ZNF331: variants seen among roughly 807,000 people sequenced by gnomAD.
ZNF331 encodes C2H2-like zinc finger protein rearranged in thyroid adenomas.
Under a neutral mutation model 7.0 loss-of-function variants are expected in ZNF331, and 2 were observed. The observed-to-expected ratio is 0.29, with a 90% CI of 0.12 to 0.90. The LOEUF (loss-of-function observed/expected upper bound fraction) is 0.90. Among genes scored for constraint, ZNF331 ranks in the 40% least tolerant of loss-of-function variants. The pLI is 0.58. For missense variants in ZNF331, 432 were observed against 587.7 expected (o/e 0.74, Z 2.74); for synonymous variants, 196 against 205.4 (o/e 0.95, Z 0.39).
At chr19:53,519,835 G>C (rs2086999753), upstream of ZNF331, among the ~76,000 whole-genome samples, 1 of 152,100 alleles carries the variant, frequency 6.6e-6, no homozygotes, top group Non-Finnish European at 1.5e-5. Flanking sequence ...CCAATCTACT[G>C]GGGGGTGGGG....
intron 3 of ZNF331, among the ~76,000 whole-genome samples, chr19:53,568,086 TA>T (rs1485361071): frequency 4.6e-5 from 7 of 151,778 alleles, no homozygotes; most frequent in Non-Finnish European, 1.0e-4. Flanking sequence ...CCATCTCTAC[TA>T]AAAATACAAA....
rs201467051 is a variant in ZNF331 at position 53,541,114 on chromosome 19, T to TC, written c.-138+1832_-138+1833insC. Reference sequence around the variant, plus strand: ...AACAATAATCATATTTCTTTTCTTTTTTTTTTTTTTGAGACAGAGTTTCGC... The same window carrying TC: ...AACAATAATCATATTTCTTTTCTTTTCTTTTTTTTTTGAGACAGAGTTTCGC... On this transcript the variant is annotated intron_variant, in intron 2 of 5. Coordinates refer to ENST00000449416, the MANE Select transcript of ZNF331 (RefSeq NM_001079906.2). Among the ~76,000 whole-genome samples the TC allele has an allele frequency of 4.2e-3, 522 of 125,410 alleles. 4 individuals are homozygous for TC. The highest frequency in any genetic ancestry group is 0.018 in the African/African-American group (501 of 28,238). The allele number at this position is 125,410 out of a possible 152,430, so 82.3% of individuals were successfully genotyped here.
Position 53,578,020 on chromosome 19 carries a change from T to G in ZNF331, c.*68T>G, listed in dbSNP as rs1462178735. The G allele has an allele frequency of 1.5e-5, 22 of 1,481,330 alleles. No homozygotes were observed. The highest frequency in any genetic ancestry group is 1.9e-5 in the Non-Finnish European group (21 of 1,107,544). 91.8% of individuals were successfully genotyped at this position (1,481,330 alleles called of 1,614,324 possible). ...GCTTTCCACAGTTTGTTACCTGCAG[T>G]CAACTGCAGTTCAAAAATATTAAAT... On this transcript the variant is annotated 3_prime_UTR_variant, in exon 6 of 6. Coordinates refer to ENST00000449416, the MANE Select transcript of ZNF331 (RefSeq NM_001079906.2).
the ZNF331 span, among the ~76,000 whole-genome samples, chr19:53,509,020 C>G: frequency 6.6e-6 from 1 of 152,176 alleles, no homozygotes; most frequent in African/African-American, 2.4e-5. Flanking sequence ...CCCTCATAAT[C>G]ACCTCCGTGA....
chr19:53,576,601 AATTTTTATTTCT>A, intron 5 of ZNF331, 84 bp from the exon 6 acceptor site: 1 of 1,071,988 alleles, frequency 9.3e-7, no homozygotes, highest in Non-Finnish European at 1.4e-6. Context: ...TCTACTGGAT[AATTTTTATTTCT>A]ATTAGACGAG....
At chr19:53,563,334 C>T (rs1246918519) in intron 3 of ZNF331, among the ~76,000 whole-genome samples, 1 of 152,094 alleles carries the variant, frequency 6.6e-6, no homozygotes, top group African/African-American at 2.4e-5. Context: ...AATCCACCCA[C>T]CTCAGCCTCC....
At chr19:53,524,412 C>T (rs886136190) in intron 2 of ZNF331, among the ~76,000 whole-genome samples, 11 of 152,170 alleles carry the variant, frequency 7.2e-5, no homozygotes, top group South Asian at 2.1e-4. Context: ...TCTCCACATC[C>T]TCTCTAGCAT....
At chr19:53,574,437 C>A (rs1256108804) in intron 5 of ZNF331, among the ~76,000 whole-genome samples, 1 of 152,090 alleles carries the variant, frequency 6.6e-6, no homozygotes, top group African/African-American at 2.4e-5. Flanking sequence ...AAGATCTTAC[C>A]ACGAACTTGA....
rs543938337 is a variant in ZNF331, at chr19:53,553,991, A to G, written c.-137-1854A>G. Among the ~76,000 whole-genome samples, 278 of 152,282 alleles carry G rather than the reference A, an allele frequency of 1.8e-3. 1 individual carries two copies. Among genetic ancestry groups the G allele is most frequent in the African/African-American group, 6.4e-3 (266 of 41,572 alleles). ...CCCCTGCCTGGGACCGGCCCAGACT[A>G]CGTTTCCCAGAGGCCCCCCAGGAAC... On this transcript the variant is annotated intron_variant, in intron 2 of 5. Coordinates refer to ENST00000449416, the MANE Select transcript of ZNF331 (RefSeq NM_001079906.2).
chr19:53,520,702 C>T (rs965404557), upstream of ZNF331, among the ~76,000 whole-genome samples: 2 of 152,212 alleles, frequency 1.3e-5, no homozygotes, highest in African/African-American at 4.8e-5. Context: ...GGCATGGCTC[C>T]ATTAGGGCCG....
chr19:53,505,908 A>T, the ZNF331 span, among the ~76,000 whole-genome samples: 1 of 151,162 alleles, frequency 6.6e-6, no homozygotes, highest in Non-Finnish European at 1.5e-5. Flanking sequence ...TCACTTAAAC[A>T]TGGGAGGCGG....
upstream of ZNF331, among the ~76,000 whole-genome samples, chr19:53,518,464 T>C (rs1291516693): frequency 2.0e-5 from 3 of 152,170 alleles, no homozygotes; most frequent in Non-Finnish European, 4.4e-5. Context: ...TTCTCCCTAA[T>C]AAACTTCCTT....
At chr19:53,566,361 C>T (rs546543505) in intron 3 of ZNF331, among the ~76,000 whole-genome samples, 85 of 152,156 alleles carry the variant, frequency 5.6e-4, no homozygotes, top group African/African-American at 2.0e-3. Context: ...GGCATGATCT[C>T]GGCTCGCTGC....
intron 3 of ZNF331, among the ~76,000 whole-genome samples, chr19:53,566,390 G>A (rs532417387): frequency 3.3e-5 from 5 of 151,990 alleles, no homozygotes; most frequent in South Asian, 2.1e-4. Flanking sequence ...CCCCCTGGGT[G>A]CAAGTGATTC....
At position 53,577,853 on chromosome 19, in the gene ZNF331, A is replaced by G. The variant is rs1208768710; in HGVS notation, c.1293A>G (p.Lys431=). 6.2e-6 allele frequency: 10 copies of G among 1,612,580 alleles called. No homozygotes were observed. In the Admixed American group the frequency reaches 1.2e-4, roughly 19 times the overall value. ...SHGHQLTQHQ[K]THSGAKSYEC... ...GCCATCAGCTTACACAACATCAGAA[A>G]ACGCACAGTGGGGCGAAATCCTACG... Residue 431 remains lysine (K), a synonymous_variant, in exon 6 of 6, where the codon AAA becomes AAG. Coordinates refer to ENST00000449416, the MANE Select transcript of ZNF331 (RefSeq NM_001079906.2).
rs1488792863 is a variant in ZNF331, at chr19:53,556,088, C to CA, written c.-74+185dup. 3.3e-5 allele frequency among the ~76,000 whole-genome samples: 5 copies of CA among 151,452 alleles called. No individual in the cohort carries two copies. The South Asian group carries it at 1.0e-3, about 32-fold the overall frequency. ...TGAAACCCCGTCTCTACTAAAAATA[C>CA]AAAAATTAGCCGGGAGTGGTGGTGG... On this transcript the variant is annotated intron_variant, in intron 3 of 5. Coordinates refer to ENST00000449416, the MANE Select transcript of ZNF331 (RefSeq NM_001079906.2).
At chr19:53,550,529 C>CTTTTTTGTTTT (rs2088916895) in intron 2 of ZNF331, among the ~76,000 whole-genome samples, 1 of 64,536 alleles carries the variant, frequency 1.5e-5, no homozygotes, top group African/African-American at 6.5e-5. Context: ...TCTATTTTGT[C>CTTTTTTGTTTT]TTTTTTTTTT....
chr19:53,577,921 T>C lies in ZNF331; in HGVS notation c.1361T>C (p.Leu454Pro). 6.2e-7 allele frequency: 1 copy of C among 1,613,110 alleles called. No individual in the cohort carries two copies. Among genetic ancestry groups the C allele is most frequent in the Non-Finnish European group, 8.5e-7 (1 of 1,179,546 alleles). Residue 454 changes from leucine (L) to proline (P), a missense_variant, in exon 6 of 6, where the codon CTC (leucine) becomes CCC (proline). By Grantham distance (98) the Leu-to-Pro change is moderately conservative. This residue lies in a region of ZNF331 where 312 missense variants were observed against 448.6 expected (regional missense o/e 0.70). Coordinates refer to ENST00000449416, the MANE Select transcript of ZNF331 (RefSeq NM_001079906.2). ...AAGGCATGTAACCACCTAAACCATC[T>C]CCGAGAACATCAGAGGATCCACAAC... is the stretch of plus-strand genomic sequence containing the variant. ...CGKACNHLNH[L>P]REHQRIHNS
chr19:53,576,637 G>C, intron 5 of ZNF331, 60 bp from the exon 6 acceptor site: 1 of 1,469,664 alleles, frequency 6.8e-7, no homozygotes, highest in Non-Finnish European at 9.2e-7. Flanking sequence ...TTGGTTTGTG[G>C]TTAGGTTCGT....
Sources: gnomAD v4.1 joint callset for allele counts (sites outside exome capture counted in the v4.1 genomes callset) on GRCh38, gnomAD v4.1.1 for gene constraint, gnomAD v4.1.1 regional missense constraint, MANE v1.5 for transcripts, NCBI Gene and HGNC (gene_info 2026-07-23, HGNC 2026-07-21) for gene names.